FNDC3B: variants seen among roughly 807,000 people sequenced by gnomAD.
The protein encoded by FNDC3B is fibronectin type III domain-containing protein 3B.
Under a neutral mutation model 151.5 loss-of-function variants are expected in FNDC3B, and 12 were observed. The observed-to-expected ratio is 0.08, with a 90% CI of 0.05 to 0.13. FNDC3B has a LOEUF of 0.13. FNDC3B is among the 10% of genes least tolerant of loss of function. The pLI, the probability that FNDC3B is intolerant of heterozygous loss-of-function variation, is 1.00. For missense variants in FNDC3B, 1,214 were observed against 1,505.3 expected (o/e 0.81, Z 3.20); for synonymous variants, 528 against 549.0 (o/e 0.96, Z 0.54).
intron 6 of FNDC3B, among the ~76,000 whole-genome samples, chr3:172,269,326 A>G (rs1406792934): frequency 1.3e-5 from 2 of 151,852 alleles, no homozygotes; most frequent in South Asian, 2.1e-4. Context: ...TCGCATGATC[A>G]TAGCTCACTG....
chr3:172,338,124 G>C (rs1417462044), intron 16 of FNDC3B: 1 of 152,144 alleles, frequency 6.6e-6, no homozygotes, highest in Non-Finnish European at 1.5e-5. Flanking sequence ...GACCATCCTG[G>C]CCAACATGGT....
At chr3:172,191,016 A>C (rs1724483715) in intron 3 of FNDC3B, among the ~76,000 whole-genome samples, 2 of 152,190 alleles carry the variant, frequency 1.3e-5, no homozygotes, top group Admixed American at 1.3e-4. Flanking sequence ...AAGAACTTGA[A>C]ATTATCTTTA....
At chr3:172,281,894 A>C (rs772080624) in intron 6 of FNDC3B, among the ~76,000 whole-genome samples, 1 of 152,124 alleles carries the variant, frequency 6.6e-6, no homozygotes, top group Non-Finnish European at 1.5e-5. Context: ...AGGTGTGTGC[A>C]TGAGAGAGAC....
At chr3:172,295,885 T>C (rs141540435) in intron 8 of FNDC3B, among the ~76,000 whole-genome samples, 1,929 of 152,368 alleles carry the variant, frequency 0.013, 22 homozygotes, top group African/African-American at 0.023. Flanking sequence ...TTTGTAGCCC[T>C]GTTTTTTAAA....
At chr3:172,188,248 G>T (rs1448599351) in intron 3 of FNDC3B, among the ~76,000 whole-genome samples, 1 of 151,988 alleles carries the variant, frequency 6.6e-6, no homozygotes, top group Non-Finnish European at 1.5e-5. Flanking sequence ...ACCTGCCTCG[G>T]CCTCCCAAAG....
At chr3:172,368,004 G>A (rs866505772) in intron 23 of FNDC3B, among the ~76,000 whole-genome samples, 1 of 152,136 alleles carries the variant, frequency 6.6e-6, no homozygotes, top group South Asian at 2.1e-4. Context: ...CTATTAGAGA[G>A]GGACAGAAAG....
At chr3:172,128,101 G>A (rs961700856) in intron 2 of FNDC3B, among the ~76,000 whole-genome samples, 2 of 152,230 alleles carry the variant, frequency 1.3e-5, no homozygotes, top group Admixed American at 6.5e-5. Flanking sequence ...TACGGGTTGT[G>A]TTGAGCAAGG....
intron 24 of FNDC3B, among the ~76,000 whole-genome samples, chr3:172,380,172 G>A (rs1383631137): frequency 6.6e-6 from 1 of 151,804 alleles, no homozygotes; most frequent in African/African-American, 2.4e-5. Context: ...CATGTAATTA[G>A]GGATTAAAGT....
chr3:172,256,936 T>G (rs951677496), intron 6 of FNDC3B, among the ~76,000 whole-genome samples: 5 of 148,068 alleles, frequency 3.4e-5, no homozygotes, highest in African/African-American at 9.8e-5. Flanking sequence ...TTTCCAAACT[T>G]TTTTTTTTTT....
intron 11 of FNDC3B, among the ~76,000 whole-genome samples, chr3:172,314,356 C>T (rs974607764): frequency 6.6e-6 from 1 of 152,162 alleles, no homozygotes; most frequent in Non-Finnish European, 1.5e-5. Context: ...CAAATCACTG[C>T]CTGAGAGTGA....
Position 172,360,631 on chromosome 3 carries a change from G to T in FNDC3B, c.2796-2002G>T, listed in dbSNP as rs186260595. 3.0e-4 allele frequency among the ~76,000 whole-genome samples: 46 copies of T among 152,164 alleles called. No homozygotes were observed. The East Asian group carries it at 7.5e-3, about 25-fold the overall frequency. ...TGTAAGGTGTGAGGTTGAAGCTGAGGTTTATTTTCCTCCTATTGATATCCA... is the reference window on the plus strand; with the variant it reads ...TGTAAGGTGTGAGGTTGAAGCTGAGTTTTATTTTCCTCCTATTGATATCCA... On this transcript the variant is annotated intron_variant, in intron 22 of 25. Transcript: ENST00000415807.
At chr3:172,258,156 A>G (rs1728459337) in intron 6 of FNDC3B, among the ~76,000 whole-genome samples, 2 of 152,330 alleles carry the variant, frequency 1.3e-5, no homozygotes, top group Middle Eastern at 6.8e-3. Flanking sequence ...AATTCCAAAT[A>G]CGGAAGAAAA....
chr3:172,109,303 C>A lies in FNDC3B; in HGVS notation c.-28-3149C>A, dbSNP rs555378205. Among the ~76,000 whole-genome samples, 10 of 151,882 alleles carry A rather than the reference C, an allele frequency of 6.6e-5. No individual in the cohort carries two copies. In the East Asian group the frequency reaches 1.9e-3, roughly 29 times the overall value. On this transcript the variant is annotated intron_variant, in intron 1 of 25. Transcript: ENST00000415807. The stretch of plus-strand genomic sequence containing the variant: ...GCCTCAGCCTCCCAAGTAGCTGGGA[C>A]TACAGGCGCCCGCCACTGCGCCCGG...
At chr3:172,325,059 A>C (rs1732273888) in intron 11 of FNDC3B, among the ~76,000 whole-genome samples, 1 of 152,238 alleles carries the variant, frequency 6.6e-6, no homozygotes, top group South Asian at 2.1e-4. Flanking sequence ...GTGGCCTAGC[A>C]GCCGTAGCTG....
At chr3:172,163,933 A>G (rs1013447334) in intron 3 of FNDC3B, among the ~76,000 whole-genome samples, 1 of 152,236 alleles carries the variant, frequency 6.6e-6, no homozygotes, top group African/African-American at 2.4e-5. Flanking sequence ...CAGTTTTGAC[A>G]GTCTGTTGGT....
intron 1 of FNDC3B, among the ~76,000 whole-genome samples, chr3:172,045,780 CT>C (rs1716334128): frequency 6.6e-6 from 1 of 151,488 alleles, no homozygotes; most frequent in South Asian, 2.1e-4. Flanking sequence ...CTCTCTCTCT[CT>C]CTCTCTCTCT....
chr3:172,276,829 T>TA (rs1729456350), intron 6 of FNDC3B, among the ~76,000 whole-genome samples: 1 of 152,146 alleles, frequency 6.6e-6, no homozygotes, highest in African/African-American at 2.4e-5. Flanking sequence ...GTCAACTTTA[T>TA]AAAAAGTATA....
intron 5 of FNDC3B, among the ~76,000 whole-genome samples, chr3:172,248,264 G>T (rs971916073): frequency 3.3e-5 from 5 of 152,176 alleles, no homozygotes; most frequent in African/African-American, 4.8e-5. Context: ...GCTCTATGTT[G>T]TGATGCTGGC....
intron 1 of FNDC3B, among the ~76,000 whole-genome samples, chr3:172,079,863 A>G (rs1017920775): frequency 4.8e-5 from 7 of 147,168 alleles, no homozygotes; most frequent in Non-Finnish European, 9.0e-5. Flanking sequence ...TGCACTGCCA[A>G]CCTAGCTGTT....
Sources: allele counts gnomAD v4.1 joint callset (sites outside exome capture counted in the v4.1 genomes callset), GRCh38; gene constraint gnomAD v4.1.1; transcripts MANE v1.5; gene names NCBI Gene and HGNC (gene_info 2026-07-23, HGNC 2026-07-21).